The following DEXI variants were observed in gnomAD, a reference collection of about 807,000 sequenced individuals.
DEXI encodes Dexi homolog, also known as dexamethasone-induced protein.
In DEXI, 2 loss-of-function variants were observed where a neutral mutation model predicts 2.5. The ratio of observed to expected loss-of-function variants is 0.81; its 90% CI spans 0.33 to 2.55. DEXI has a LOEUF of 2.55. DEXI is among the 30% of genes most tolerant of loss of function. DEXI has a pLI of 0.11. For missense variants in DEXI, 108 were observed against 130.3 expected, an observed-to-expected ratio of 0.83 and a Z score of 0.83; for synonymous variants, 71 against 68.7, an observed-to-expected ratio of 1.03 and a Z score of -0.17.
chr16:10,941,487 G>A lies in DEXI; in HGVS notation c.*149+82C>T. On this transcript the variant is annotated intron_variant, in intron 1 of 1. Transcript: ENST00000331808. The surrounding 1 kb of genome is among the most constrained non-coding windows in gnomAD (Gnocchi z 6.4). ...AACGGAGGAGAAGCCTGAGGGAGGG[G>A]TGTGTATCCGGCCTGGGAATTCCTC... 1.5e-6 allele frequency: 2 copies of A among 1,305,518 alleles called. No individual in the cohort carries two copies. Among genetic ancestry groups the A allele is most frequent in the Non-Finnish European group, 2.0e-6 (2 of 1,006,636 alleles). 80.9% of individuals were successfully genotyped at this position (1,305,518 alleles called of 1,614,324 possible).
intron 1 of DEXI, chr16:10,936,302 A>G (rs1194703226): frequency 6.6e-6 from 1 of 152,170 alleles, no homozygotes; most frequent in Non-Finnish European, 1.5e-5. Flanking sequence ...ATAGTGTATC[A>G]ATATTAGATT....
In DEXI at chr16:10,937,773, G is replaced by A. The variant is rs2041049328; in HGVS notation, c.*149+3796C>T. Reference sequence around the variant, plus strand: ...CTGCAGCCCTTTCTCCTGGGAAGGAGGGAGCTCCCGATTCCCCATTCCCTG... The same window carrying A: ...CTGCAGCCCTTTCTCCTGGGAAGGAAGGAGCTCCCGATTCCCCATTCCCTG... On this transcript the variant is annotated intron_variant, in intron 1 of 1. Coordinates refer to ENST00000331808, the MANE Select transcript of DEXI (RefSeq NM_014015.4). This position sits in a 1 kb window ranked among gnomAD's most constrained non-coding sequence, Gnocchi z 4.2. 2 of 152,342 alleles carry A rather than the reference G, an allele frequency of 1.3e-5. No individual in the cohort carries two copies. The highest frequency in any genetic ancestry group is 6.5e-5 in the Admixed American group (1 of 15,302). 9.4% of individuals were successfully genotyped at this position (152,342 alleles called of 1,614,324 possible).
chr16:10,937,323 C>G lies in DEXI; in HGVS notation c.*149+4246G>C, dbSNP rs2041042763. The G allele has an allele frequency of 6.6e-6, 1 of 152,324 alleles. No individual in the cohort carries two copies. Among genetic ancestry groups the G allele is most frequent in the Non-Finnish European group, 1.5e-5 (1 of 68,138 alleles). 9.4% of individuals were successfully genotyped at this position (152,324 alleles called of 1,614,324 possible). On this transcript the variant is annotated intron_variant, in intron 1 of 1. Transcript: ENST00000331808. The surrounding 1 kb of genome is among the most constrained non-coding windows in gnomAD (Gnocchi z 4.2). ...CCGCCCTGACCCCTGGCTGTGGGAT[C>G]TCCCATAACTCAAATCTGACTGTGT...
Position 10,941,949 on chromosome 16 carries a change from G to T in DEXI, c.57C>A (p.Tyr19Ter). 1.3e-6 allele frequency: 2 copies of T among 1,575,672 alleles called. No homozygotes were observed. Among genetic ancestry groups the T allele is most frequent in the South Asian group, 1.1e-5 (1 of 87,084 alleles). The change falls in exon 1 of 2, where the codon TAC (tyrosine) becomes TAA (stop). Residue 19 changes from tyrosine to a stop codon, truncating the protein, a stop_gained. Transcript: ENST00000331808. LOFTEE classifies it high-confidence loss of function. This position sits in a 1 kb window ranked among gnomAD's most constrained non-coding sequence, Gnocchi z 6.4. ...TAGAGGGCAGCAGCGGCGGCGGCAC[G>T]TAGGGGACCAGGGGGCCCAGTGCGT... ...HLDALGPLVP[Y>*]VPPPLLPSMF...
intron 1 of DEXI, chr16:10,936,156 A>G (rs2041014315): frequency 6.7e-6 from 1 of 148,930 alleles, no homozygotes; most frequent in African/African-American, 2.5e-5. Flanking sequence ...ACACCTCGCT[A>G]TTTTTTTTTT....
rs2041101068 is a variant in DEXI, at chr16:10,941,469, GAGAA to G, written c.*149+96_*149+99del. On this transcript the variant is annotated intron_variant, in intron 1 of 1. Coordinates refer to ENST00000331808, the MANE Select transcript of DEXI (RefSeq NM_014015.4). This position sits in a 1 kb window ranked among gnomAD's most constrained non-coding sequence, Gnocchi z 6.4. ...TTAGACCTGGAGGAGGTGAACGGAG[GAGAA>G]GCCTGAGGGAGGGGTGTGTATCCGG... 2.0e-5 allele frequency: 24 copies of G among 1,205,908 alleles called. No homozygotes were observed. In the South Asian group the frequency reaches 4.4e-4, roughly 22 times the overall value. The allele number at this position is 1,205,908 out of a possible 1,614,324, so 74.7% of individuals were successfully genotyped here.
chr16:10,936,142 C>T (rs1371463364), intron 1 of DEXI: 2 of 152,016 alleles, frequency 1.3e-5, no homozygotes, highest in Non-Finnish European at 2.9e-5. Context: ...GGGCGTGTAC[C>T]ACAACACCTC....
Position 10,937,561 on chromosome 16 carries a change from G to A in DEXI, c.*149+4008C>T, listed in dbSNP as rs566985830. 25 of 152,352 alleles carry A rather than the reference G, an allele frequency of 1.6e-4. No homozygotes were observed. The highest frequency in any genetic ancestry group is 5.8e-4 in the African/African-American group (24 of 41,572). 9.4% of individuals were successfully genotyped at this position (152,352 alleles called of 1,614,324 possible). On this transcript the variant is annotated intron_variant, in intron 1 of 1. Transcript: ENST00000331808. The surrounding 1 kb of genome is among the most constrained non-coding windows in gnomAD (Gnocchi z 4.2). ...CAGCTCCAAATCTGAGCTGCACCAG[G>A]ACAAGCTGACTCTGGTGGCAACGTT...
At position 10,939,596 on chromosome 16, in the gene DEXI, G is replaced by A. The variant is rs1237277429; in HGVS notation, c.*149+1973C>T. The A allele has an allele frequency of 6.6e-6, 1 of 152,184 alleles. No homozygotes were observed. The highest frequency in any genetic ancestry group is 6.5e-5 in the Admixed American group (1 of 15,278). The allele number at this position is 152,184 out of a possible 1,614,324, so 9.4% of individuals were successfully genotyped here. Reference sequence around the variant, plus strand: ...TCTCCAGATCCTTCTATCAAATTAAGGCTCAGCTCAAAAGCATCATCTCCT... The same window carrying A: ...TCTCCAGATCCTTCTATCAAATTAAAGCTCAGCTCAAAAGCATCATCTCCT... On this transcript the variant is annotated intron_variant, in intron 1 of 1. Transcript: ENST00000331808. The surrounding 1 kb of genome is among the most constrained non-coding windows in gnomAD (Gnocchi z 4.9).
In DEXI at chr16:10,929,095, T is replaced by C. The variant is rs980143604; in HGVS notation, c.*614A>G. ...GTAACCTGAAATGAAGGAGCGAGAATCCCACCCTCAGCCCCCCAACAGCTT... is the reference window on the plus strand; with the variant it reads ...GTAACCTGAAATGAAGGAGCGAGAACCCCACCCTCAGCCCCCCAACAGCTT... On this transcript the variant is annotated 3_prime_UTR_variant, in exon 2 of 2. Coordinates refer to ENST00000331808, the MANE Select transcript of DEXI (RefSeq NM_014015.4). This position sits in a 1 kb window ranked among gnomAD's most constrained non-coding sequence, Gnocchi z 4.3. The C allele has an allele frequency of 9.1e-6, 5 of 552,046 alleles. No homozygotes were observed. Among genetic ancestry groups the C allele is most frequent in the Non-Finnish European group, 1.2e-5 (5 of 433,920 alleles). 34.2% of individuals were successfully genotyped at this position (552,046 alleles called of 1,614,324 possible). A position where few individuals can be genotyped will look rare whatever the true frequency, so the allele number is the denominator to read the frequency against.
chr16:10,942,272 C>T lies in DEXI; in HGVS notation c.-267G>A, dbSNP rs1387489102. On this transcript the variant is annotated 5_prime_UTR_variant, in exon 1 of 2. Coordinates refer to ENST00000331808, the MANE Select transcript of DEXI (RefSeq NM_014015.4). The surrounding 1 kb of genome is among the most constrained non-coding windows in gnomAD (Gnocchi z 5.0). ...CCCCCTGAAGTGGCCCGCGGCTGCC[C>T]GGCTCCCTCGTGGCGCCTCCCTGGC... is the stretch of plus-strand genomic sequence containing the variant. 6.0e-6 allele frequency: 2 copies of T among 332,622 alleles called. No homozygotes were observed. Among genetic ancestry groups the T allele is most frequent in the Non-Finnish European group, 5.5e-6 (1 of 182,350 alleles). 20.6% of individuals were successfully genotyped at this position (332,622 alleles called of 1,614,324 possible).
rs991217732 is a variant in DEXI at position 10,942,461 on chromosome 16, T to C, written c.-456A>G. The C allele has an allele frequency of 6.5e-6, 1 of 152,742 alleles. No homozygotes were observed. The highest frequency in any genetic ancestry group is 1.5e-5 in the Non-Finnish European group (1 of 68,500). 9.5% of individuals were successfully genotyped at this position (152,742 alleles called of 1,614,324 possible). A position where few individuals can be genotyped will look rare whatever the true frequency, so the allele number is the denominator to read the frequency against. On this transcript the variant is annotated 5_prime_UTR_variant, in exon 1 of 2. Transcript: ENST00000331808. This position sits in a 1 kb window ranked among gnomAD's most constrained non-coding sequence, Gnocchi z 5.0. ...TGCGGCCGCCGCGTAGCCCTCCCGG[T>C]GGCGCTCGGAGCTCCGCCTCCCGAG...
intron 1 of DEXI, chr16:10,931,472 CA>C (rs1385150626): frequency 6.6e-6 from 1 of 152,250 alleles, no homozygotes; most frequent in African/African-American, 2.4e-5. Flanking sequence ...AATTTACTAA[CA>C]CTCCGGTTTT....
Position 10,941,458 on chromosome 16 carries a change from G to A in DEXI, c.*149+111C>T, listed in dbSNP as rs1265915991. ...CTGGCATCCAGTTAGACCTGGAGGA[G>A]GTGAACGGAGGAGAAGCCTGAGGGA... is the stretch of plus-strand genomic sequence containing the variant. On this transcript the variant is annotated intron_variant, in intron 1 of 1. Coordinates refer to ENST00000331808, the MANE Select transcript of DEXI (RefSeq NM_014015.4). This position sits in a 1 kb window ranked among gnomAD's most constrained non-coding sequence, Gnocchi z 6.4. 3.6e-6 allele frequency: 4 copies of A among 1,114,408 alleles called. No individual in the cohort carries two copies. The African/African-American group carries it at 4.8e-5, about 13-fold the overall frequency. The allele number at this position is 1,114,408 out of a possible 1,614,324, so 69.0% of individuals were successfully genotyped here. A position where few individuals can be genotyped will look rare whatever the true frequency, so the allele number is the denominator to read the frequency against.
Position 10,939,409 on chromosome 16 carries a change from C to CTATG in DEXI, c.*149+2156_*149+2159dup, listed in dbSNP as rs1397672508. ...TCCAATGGCTTTCCACTGCTCTTGG[C>CTATG]TATGGCCTTCCAGGTCCTCCATGGT... On this transcript the variant is annotated intron_variant, in intron 1 of 1. Transcript: ENST00000331808. The surrounding 1 kb of genome is among the most constrained non-coding windows in gnomAD (Gnocchi z 4.9). 1 of 152,304 alleles carries CTATG rather than the reference C, an allele frequency of 6.6e-6. No homozygotes were observed. Among genetic ancestry groups the CTATG allele is most frequent in the Non-Finnish European group, 1.5e-5 (1 of 68,102 alleles). 9.4% of individuals were successfully genotyped at this position (152,304 alleles called of 1,614,324 possible). A position where few individuals can be genotyped will look rare whatever the true frequency, so the allele number is the denominator to read the frequency against.
Position 10,942,349 on chromosome 16 carries a change from AG to A in DEXI, c.-345del, listed in dbSNP as rs1233536160. ...GGGATCCCACCGCGGCTCAGTGTCT[AG>A]GGCCGGTCCCGGCAGCCTTCTCTCC... is the stretch of plus-strand genomic sequence containing the variant. On this transcript the variant is annotated 5_prime_UTR_variant, in exon 1 of 2. The change abolishes the stop of an existing upstream ORF in the 5' untranslated region. Coordinates refer to ENST00000331808, the MANE Select transcript of DEXI (RefSeq NM_014015.4). The surrounding 1 kb of genome is among the most constrained non-coding windows in gnomAD (Gnocchi z 5.0). 4.8e-6 allele frequency: 1 copy of A among 207,610 alleles called. No homozygotes were observed. The highest frequency in any genetic ancestry group is 9.7e-6 in the Non-Finnish European group (1 of 102,906). 12.9% of individuals were successfully genotyped at this position (207,610 alleles called of 1,614,324 possible).
rs1011456213 is a variant in DEXI, at chr16:10,929,245, G to T, written c.*464C>A. 3 of 985,784 alleles carry T rather than the reference G, an allele frequency of 3.0e-6. No homozygotes were observed. Among genetic ancestry groups the T allele is most frequent in the Admixed American group, 6.1e-5 (1 of 16,266 alleles). 61.1% of individuals were successfully genotyped at this position (985,784 alleles called of 1,614,324 possible). On this transcript the variant is annotated 3_prime_UTR_variant, in exon 2 of 2. Coordinates refer to ENST00000331808, the MANE Select transcript of DEXI (RefSeq NM_014015.4). This position sits in a 1 kb window ranked among gnomAD's most constrained non-coding sequence, Gnocchi z 4.3. ...AAACGGAGCTGGGAGTCGCTTTTGC[G>T]TGTGTCCGCAGTTTGAAGTGTCCTC...
intron 1 of DEXI, chr16:10,932,697 T>C (rs923040339): frequency 2.2e-5 from 2 of 90,022 alleles, no homozygotes; most frequent in African/African-American, 1.4e-4. Context: ...AAAAATTCTT[T>C]TTTTTTTTTT....
Position 10,940,827 on chromosome 16 carries a change from C to T in DEXI, c.*149+742G>A, listed in dbSNP as rs1269838248. 3 of 152,302 alleles carry T rather than the reference C, an allele frequency of 2.0e-5. No individual in the cohort carries two copies. The highest frequency in any genetic ancestry group is 7.2e-5 in the African/African-American group (3 of 41,420). The allele number at this position is 152,302 out of a possible 1,614,324, so 9.4% of individuals were successfully genotyped here. ...TCTCAGTGCAATGACCCTGTGGTGC[C>T]TTCTCCCGAGGACCTAAGAGCCCCC... On this transcript the variant is annotated intron_variant, in intron 1 of 1. Transcript: ENST00000331808. The surrounding 1 kb of genome is among the most constrained non-coding windows in gnomAD (Gnocchi z 4.2).
Sources: gnomAD v4.1 joint callset for allele counts on GRCh38, gnomAD v4.1.1 for gene constraint, Gnocchi (gnomAD v3.1) non-coding constraint, MANE v1.5 for transcripts, NCBI Gene and HGNC (gene_info 2026-07-23, HGNC 2026-07-21) for gene names.